AGAP1: variants seen among roughly 807,000 people sequenced by gnomAD.
AGAP1 encodes the protein ArfGAP with GTPase domain, ankyrin repeat and PH domain 1.
AGAP1 carries 29 observed loss-of-function variants against 105.3 expected under a neutral mutation model. The observed-to-expected ratio is 0.28, with a 90% CI of 0.21 to 0.38. The LOEUF (loss-of-function observed/expected upper bound fraction) is 0.38, where lower values mean the gene tolerates loss of function less well. AGAP1 is among the 10% of genes least tolerant of loss of function. The probability of loss-of-function intolerance (pLI) is 1.00; values close to 1 mark genes in which losing one functional copy is unlikely to be tolerated. For synonymous variants in AGAP1, 509 were observed against 485.9 expected, an observed-to-expected ratio of 1.05 and a Z score of -0.63; for missense variants, 998 against 1,165.1, an observed-to-expected ratio of 0.86 and a Z score of 2.09.
At chr2:235,730,840 A>G (rs1951906779) in intron 3 of AGAP1, among the ~76,000 whole-genome samples, 1 of 152,086 alleles carries the variant, frequency 6.6e-6, no homozygotes, top group South Asian at 2.1e-4. Context: ...TTATTTGGTT[A>G]TGTATTAGGT....
intron 1 of AGAP1, among the ~76,000 whole-genome samples, chr2:235,583,964 C>G (rs1415500050): frequency 6.6e-6 from 1 of 152,056 alleles, no homozygotes; most frequent in African/African-American, 2.4e-5. Context: ...CCTCGGCCCC[C>G]CAGAGTGCTG....
intron 1 of AGAP1, among the ~76,000 whole-genome samples, chr2:235,538,002 A>G (rs1469579971): frequency 1.3e-5 from 2 of 152,064 alleles, no homozygotes; most frequent in African/African-American, 2.4e-5. Flanking sequence ...GTTAATTCAT[A>G]TTTTCTGAGG....
intron 1 of AGAP1, among the ~76,000 whole-genome samples, chr2:235,693,317 C>T (rs987808729): frequency 1.2e-4 from 19 of 152,246 alleles, no homozygotes; most frequent in Admixed American, 1.0e-3. Flanking sequence ...CCCAAGTAGG[C>T]ACGGGGGCTG....
chr2:235,835,617 CA>C (rs986660693), intron 9 of AGAP1, among the ~76,000 whole-genome samples: 1 of 152,126 alleles, frequency 6.6e-6, no homozygotes, highest in African/African-American at 2.4e-5. Flanking sequence ...CCGAGGAGGA[CA>C]AGGGGTTCAT....
rs2058029066 is a variant in AGAP1 at position 236,055,577 on chromosome 2, C to A, written c.2114+6296C>A. Among the ~76,000 whole-genome samples, 1 of 152,278 alleles carries A rather than the reference C, an allele frequency of 6.6e-6. No individual in the cohort carries two copies. On this transcript the variant is annotated intron_variant, in intron 16 of 17. Coordinates refer to ENST00000304032, the MANE Select transcript of AGAP1 (RefSeq NM_001037131.3). This position sits in a 1 kb window ranked among gnomAD's most constrained non-coding sequence, Gnocchi z 6.2. ...CTTGTCAGTGGGCCTGCCCTGGCCC[C>A]AGCCGCAGAGCGGGTCCACCCTCCC...
At chr2:235,524,466 C>T in intron 1 of AGAP1, 2 of 300,364 alleles carry the variant, frequency 6.7e-6, no homozygotes, top group South Asian at 3.1e-5. Flanking sequence ...CTGGAGAGAG[C>T]AGTGGATGCG....
Position 235,569,787 on chromosome 2 carries a change from T to G in AGAP1, c.163+74938T>G, listed in dbSNP as rs1260668113. Among the ~76,000 whole-genome samples, 1 of 152,244 alleles carries G rather than the reference T, an allele frequency of 6.6e-6. No homozygotes were observed. The highest frequency in any genetic ancestry group is 2.4e-5 in the African/African-American group (1 of 41,462). On this transcript the variant is annotated intron_variant, in intron 1 of 17. Coordinates refer to ENST00000304032, the MANE Select transcript of AGAP1 (RefSeq NM_001037131.3). This position sits in a 1 kb window ranked among gnomAD's most constrained non-coding sequence, Gnocchi z 5.9. ...GAGACCGAGCCTTGGGTAGTTTTTA[T>G]TTCTTAGGCTCTCTGGAGTTCTCCC...
intron 1 of AGAP1, among the ~76,000 whole-genome samples, chr2:235,675,359 T>A (rs1228378315): frequency 6.6e-6 from 1 of 151,928 alleles, no homozygotes; most frequent in East Asian, 1.9e-4. Flanking sequence ...CCCGGCTAAT[T>A]TATTTGTATT....
At chr2:235,933,585 T>G (rs1429168744) in intron 12 of AGAP1, among the ~76,000 whole-genome samples, 1 of 148,352 alleles carries the variant, frequency 6.7e-6, no homozygotes, top group Non-Finnish European at 1.5e-5. Flanking sequence ...CAGGCTGGAG[T>G]GCAGTGGCGC....
At chr2:235,652,006 T>C (rs1023570819) in intron 1 of AGAP1, among the ~76,000 whole-genome samples, 2 of 152,192 alleles carry the variant, frequency 1.3e-5, no homozygotes, top group African/African-American at 4.8e-5. Flanking sequence ...CCCTTTTGTT[T>C]TTTGAACGCT....
intron 16 of AGAP1, among the ~76,000 whole-genome samples, chr2:236,065,900 A>G (rs1309063303): frequency 1.3e-5 from 2 of 152,202 alleles, no homozygotes; most frequent in African/African-American, 2.4e-5. Flanking sequence ...TAAACGTGAC[A>G]AGTCACTGTG....
chr2:235,528,562 T>C (rs1279347122), intron 1 of AGAP1, among the ~76,000 whole-genome samples: 1 of 152,166 alleles, frequency 6.6e-6, no homozygotes, highest in Non-Finnish European at 1.5e-5. Context: ...TTTCCTTAAG[T>C]CAGTGAAAGA....
intron 13 of AGAP1, among the ~76,000 whole-genome samples, chr2:235,999,145 G>T (rs1576013067): frequency 7.0e-6 from 1 of 142,112 alleles, no homozygotes; most frequent in African/African-American, 2.7e-5. Flanking sequence ...GGTGACGATG[G>T]TGAGAGGTGG....
chr2:236,003,127 C>T lies in AGAP1; in HGVS notation c.1646-33434C>T, dbSNP rs758271409. Among the ~76,000 whole-genome samples the T allele has an allele frequency of 5.9e-5, 9 of 152,240 alleles. No individual in the cohort carries two copies. The highest frequency in any genetic ancestry group is 3.9e-4 in the Admixed American group (6 of 15,282). ...GCACGGTCTCAGCTCTTACTGCAGC[C>T]TCTGCCTCCCAGGTTCAAGCAGTTC... On this transcript the variant is annotated intron_variant, in intron 13 of 17. Transcript: ENST00000304032. This position sits in a 1 kb window ranked among gnomAD's most constrained non-coding sequence, Gnocchi z 4.2.
Position 236,021,324 on chromosome 2 carries a change from G to A in AGAP1, c.1646-15237G>A, listed in dbSNP as rs190406300. Among the ~76,000 whole-genome samples, 199 of 152,150 alleles carry A rather than the reference G, an allele frequency of 1.3e-3. 2 individuals carry two copies. Among genetic ancestry groups the A allele is most frequent in the Middle Eastern group, 6.8e-3 (2 of 294 alleles). ...AGTCTTGGGTATCAATCACCTCAGC[G>A]CTGAGCAGCACCTAGGAGAGGAAGC... On this transcript the variant is annotated intron_variant, in intron 13 of 17. Transcript: ENST00000304032.
chr2:236,073,121 G>A lies in AGAP1; in HGVS notation c.2114+23840G>A, dbSNP rs1408382225. Among the ~76,000 whole-genome samples the A allele has an allele frequency of 1.3e-5, 2 of 151,874 alleles. No individual in the cohort carries two copies. The highest frequency in any genetic ancestry group is 2.4e-5 in the African/African-American group (1 of 41,340). On this transcript the variant is annotated intron_variant, in intron 16 of 17. Transcript: ENST00000304032. This position sits in a 1 kb window ranked among gnomAD's most constrained non-coding sequence, Gnocchi z 5.4. ...AGCGATTCTCCTGCCTTGGTCCCCCGAGTAGCTGGGATTACAGGCGCACGC... is the reference window on the plus strand; with the variant it reads ...AGCGATTCTCCTGCCTTGGTCCCCCAAGTAGCTGGGATTACAGGCGCACGC...
At chr2:235,897,891 T>C (rs2050881594) in intron 10 of AGAP1, among the ~76,000 whole-genome samples, 1 of 152,222 alleles carries the variant, frequency 6.6e-6, no homozygotes, top group South Asian at 2.1e-4. Flanking sequence ...GGGGCAGGGC[T>C]GGAGAGGCCT....
chr2:235,748,778 G>A (rs892565480), intron 5 of AGAP1, among the ~76,000 whole-genome samples: 1 of 152,196 alleles, frequency 6.6e-6, no homozygotes, highest in African/African-American at 2.4e-5. Context: ...AAAGGTGGTC[G>A]CTCTGTTGTA....
At chr2:235,916,824 A>G (rs967640339) in intron 11 of AGAP1, among the ~76,000 whole-genome samples, 2 of 152,250 alleles carry the variant, frequency 1.3e-5, no homozygotes, top group Non-Finnish European at 2.9e-5. Flanking sequence ...AAGCATTGAC[A>G]TAGCCTTTGA....
Sources: gnomAD v4.1 joint callset for allele counts (sites outside exome capture counted in the v4.1 genomes callset) on GRCh38, gnomAD v4.1.1 for gene constraint, Gnocchi (gnomAD v3.1) non-coding constraint, MANE v1.5 for transcripts, NCBI Gene and HGNC (gene_info 2026-07-23, HGNC 2026-07-21) for gene names.